Variants in GJC1 observed in about 807,000 individuals in gnomAD.
The protein encoded by GJC1 is gap junction gamma-1 protein.
Under a neutral mutation model 29.3 loss-of-function variants are expected in GJC1, and 5 were observed. That is an observed-to-expected ratio of 0.17 (90% confidence interval 0.09 to 0.36). The LOEUF is 0.36. Among genes scored for constraint, GJC1 ranks in the 10% least tolerant of loss-of-function variants. GJC1 has a pLI of 1.00. For missense variants in GJC1, 310 were observed against 496.2 expected, an observed-to-expected ratio of 0.62 and a Z score of 3.56; for synonymous variants, 177 against 183.3, an observed-to-expected ratio of 0.97 and a Z score of 0.28.
chr17:44,804,838 T>C lies in GJC1; in HGVS notation c.980A>G (p.His327Arg), dbSNP rs753853297. The C allele has an allele frequency of 3.0e-5, 48 of 1,614,106 alleles. No individual in the cohort carries two copies. The highest frequency in any genetic ancestry group is 3.8e-5 in the Non-Finnish European group (45 of 1,180,032). Reference protein sequence around the residue: ...NTAQEQQYGSHEENLPADLEA... With the variant: ...NTAQEQQYGSREENLPADLEA... ...CAGGTCAGCTGGGAGGTTCTCCTCA[T>C]GGCTGCCATACTGCTGTTCCTGGGC... Residue 327 changes from histidine to arginine, a missense_variant, in exon 3 of 3, where the codon CAT becomes CGT. Physicochemically the swap from His to Arg is conservative, Grantham distance 29. Transcript: ENST00000592524.
chr17:44,804,322 T>A lies in GJC1; in HGVS notation c.*305A>T. The A allele has an allele frequency of 1.1e-5, 3 of 280,692 alleles. No individual in the cohort carries two copies. Among genetic ancestry groups the A allele is most frequent in the Non-Finnish European group, 2.0e-5 (3 of 150,648 alleles). The allele number at this position is 280,692 out of a possible 1,614,324, so 17.4% of individuals were successfully genotyped here. ...TACTAAAAAAAAAAAAGTACCATAA[T>A]ACTGTACATACAAAAACTGTTCAAC... On this transcript the variant is annotated 3_prime_UTR_variant, in exon 3 of 3. Transcript: ENST00000592524.
At chr17:44,811,536 G>A (rs1335608492) in intron 1 of GJC1, among the ~76,000 whole-genome samples, 5 of 151,618 alleles carry the variant, frequency 3.3e-5, no homozygotes, top group East Asian at 3.9e-4. Flanking sequence ...ACAGTTGCAC[G>A]CCACCATGCC....
downstream of GJC1, among the ~76,000 whole-genome samples, chr17:44,795,711 G>A (rs2049779032): frequency 6.6e-6 from 1 of 152,240 alleles, no homozygotes; most frequent in Non-Finnish European, 1.5e-5. Flanking sequence ...AGGGGTGAAT[G>A]TTTACAGCTG....
At chr17:44,830,773 C>T, upstream of GJC1, 1 of 398,540 alleles carries the variant, frequency 2.5e-6, no homozygotes, top group Non-Finnish European at 4.4e-6. This position sits in a 1 kb window ranked among gnomAD's most constrained non-coding sequence, Gnocchi z 4.3. Flanking sequence ...ATCTGGCGGG[C>T]CCTGCGTGGA....
At chr17:44,814,987 C>G (rs921485836) in intron 1 of GJC1, among the ~76,000 whole-genome samples, 3 of 152,074 alleles carry the variant, frequency 2.0e-5, no homozygotes, top group African/African-American at 7.2e-5. Context: ...CTCTGGCTTC[C>G]CTGCTTCTGA....
intron 1 of GJC1, among the ~76,000 whole-genome samples, chr17:44,822,614 G>A (rs948170049): frequency 8.0e-6 from 1 of 125,650 alleles, no homozygotes; most frequent in African/African-American, 3.1e-5. Context: ...TTGCACTCCC[G>A]CCTGAGCAAC....
chr17:44,817,817 C>T (rs2050060432), intron 1 of GJC1, among the ~76,000 whole-genome samples: 1 of 152,020 alleles, frequency 6.6e-6, no homozygotes, highest in Non-Finnish European at 1.5e-5. Flanking sequence ...GGAGTTTGGG[C>T]TCTTTCTTGA....
chr17:44,811,083 C>A (rs1037339204), intron 1 of GJC1, among the ~76,000 whole-genome samples: 2 of 144,110 alleles, frequency 1.4e-5, no homozygotes, highest in Non-Finnish European at 3.1e-5. Flanking sequence ...TAATTTCTTT[C>A]TTTTTTTTTT....
Position 44,803,491 on chromosome 17 carries a change from C to A in GJC1, c.*1136G>T, listed in dbSNP as rs575421504. 1.1e-4 allele frequency: 16 copies of A among 152,334 alleles called. No individual in the cohort carries two copies. Among genetic ancestry groups the A allele is most frequent in the African/African-American group, 3.6e-4 (15 of 41,584 alleles). The allele number at this position is 152,334 out of a possible 1,614,324, so 9.4% of individuals were successfully genotyped here. On this transcript the variant is annotated 3_prime_UTR_variant, in exon 3 of 3. Transcript: ENST00000592524. Reference sequence around the variant, plus strand: ...GACCCCATGACCTTTCAGGCATAAACCTCCACTGGCAGAAGTAAGAATTTA... The same window carrying A: ...GACCCCATGACCTTTCAGGCATAAAACTCCACTGGCAGAAGTAAGAATTTA...
chr17:44,822,496 A>C (rs1174617960), intron 1 of GJC1, among the ~76,000 whole-genome samples: 1 of 151,748 alleles, frequency 6.6e-6, no homozygotes, highest in Non-Finnish European at 1.5e-5. Context: ...ATAAAAAATT[A>C]GCTGGGCGTG....
intron 1 of GJC1, among the ~76,000 whole-genome samples, chr17:44,810,544 T>C (rs1054088932): frequency 6.6e-6 from 1 of 152,162 alleles, no homozygotes; most frequent in African/African-American, 2.4e-5. Context: ...GTATGGGTAC[T>C]CTATACCCAC....
chr17:44,827,764 C>T (rs2050191971), intron 1 of GJC1, among the ~76,000 whole-genome samples: 1 of 151,992 alleles, frequency 6.6e-6, no homozygotes, highest in African/African-American at 2.4e-5. Flanking sequence ...AACCCCATCT[C>T]TGCTAAAACT....
intron 1 of GJC1, among the ~76,000 whole-genome samples, chr17:44,809,443 C>A (rs981813393): frequency 1.3e-5 from 2 of 152,178 alleles, no homozygotes; most frequent in African/African-American, 4.8e-5. Flanking sequence ...TCCACAAATT[C>A]TCTGCAGGCT....
intron 1 of GJC1, among the ~76,000 whole-genome samples, chr17:44,816,804 C>T (rs2050048390): frequency 6.6e-6 from 1 of 151,760 alleles, no homozygotes; most frequent in African/African-American, 2.4e-5. Flanking sequence ...CGCGCCCAGC[C>T]GAATTAATAG....
intron 1 of GJC1, among the ~76,000 whole-genome samples, chr17:44,824,245 A>G (rs2050144443): frequency 1.3e-5 from 2 of 152,070 alleles, no homozygotes; most frequent in South Asian, 4.2e-4. Flanking sequence ...TGACCTTGTG[A>G]CCTGCCTGCC....
In GJC1 at chr17:44,816,112, C is replaced by CAAA. The variant is rs34938283; in HGVS notation, c.-96-8646_-96-8644dup. Among the ~76,000 whole-genome samples the CAAA allele has an allele frequency of 8.7e-4, 41 of 47,396 alleles. 1 individual carries two copies. The highest frequency in any genetic ancestry group is 1.0e-3 in the South Asian group (1 of 998). 31.1% of individuals were successfully genotyped at this position (47,396 alleles called of 152,430 possible). On this transcript the variant is annotated intron_variant, in intron 1 of 2. Transcript: ENST00000592524. ...TGGGTGACAGAGCGACACTCCGTCT[C>CAAA]AAAAAAAAAAAAAAAAAAAAAAAAA...
chr17:44,804,503 G>C lies in GJC1; in HGVS notation c.*124C>G. The C allele has an allele frequency of 1.3e-6, 1 of 776,772 alleles. No homozygotes were observed. Among genetic ancestry groups the C allele is most frequent in the Non-Finnish European group, 2.1e-6 (1 of 476,056 alleles). 48.1% of individuals were successfully genotyped at this position (776,772 alleles called of 1,614,324 possible). On this transcript the variant is annotated 3_prime_UTR_variant, in exon 3 of 3. Coordinates refer to ENST00000592524, the MANE Select transcript of GJC1 (RefSeq NM_005497.4). Reference sequence around the variant, plus strand: ...CCGCCTCCAGAGTCCCCTGAGCTTGGATCATGAGCCAACAGCATCCCTGAA... The same window carrying C: ...CCGCCTCCAGAGTCCCCTGAGCTTGCATCATGAGCCAACAGCATCCCTGAA...
intron 1 of GJC1, among the ~76,000 whole-genome samples, chr17:44,820,107 T>C (rs1034395320): frequency 4.6e-5 from 7 of 152,168 alleles, no homozygotes; most frequent in African/African-American, 1.7e-4. Context: ...GAACATTATC[T>C]TGTTTTCCAC....
intron 1 of GJC1, among the ~76,000 whole-genome samples, chr17:44,818,562 T>C (rs1389110826): frequency 2.0e-5 from 3 of 150,656 alleles, no homozygotes; most frequent in Non-Finnish European, 4.4e-5. Flanking sequence ...TCCTAGCACT[T>C]TGGGAGGCTG....
Sources: gnomAD v4.1 joint callset for allele counts (sites outside exome capture counted in the v4.1 genomes callset) on GRCh38, gnomAD v4.1.1 for gene constraint, Gnocchi (gnomAD v3.1) non-coding constraint, MANE v1.5 for transcripts, NCBI Gene and HGNC (gene_info 2026-07-23, HGNC 2026-07-21) for gene names.